CSMD2: variants seen among roughly 807,000 people sequenced by gnomAD.
CSMD2 encodes the protein CUB and Sushi multiple domains 2.
In CSMD2, 130 loss-of-function variants were observed where a neutral mutation model predicts 398.5. The ratio of observed to expected loss-of-function variants is 0.33; its 90% CI spans 0.28 to 0.38. The LOEUF is 0.38. Ranked by LOEUF, CSMD2 falls within the 10% of genes least tolerant of loss-of-function variation. The pLI, the probability that CSMD2 is intolerant of heterozygous loss-of-function variation, is 1.00. For synonymous variants in CSMD2, 1,828 were observed against 1,908.5 expected, an observed-to-expected ratio of 0.96 and a Z score of 1.10; for missense variants, 3,829 against 4,764.9, an observed-to-expected ratio of 0.80 and a Z score of 5.78.
intron 9 of CSMD2, chr1:33,813,968 A>G (rs926790988): frequency 1.3e-5 from 2 of 152,570 alleles, no homozygotes; most frequent in East Asian, 3.9e-4. Flanking sequence ...ACTGCCTCCT[A>G]TGCAGCCCTC....
chr1:33,935,385 C>T (rs1361803900), intron 4 of CSMD2, among the ~76,000 whole-genome samples: 9 of 152,140 alleles, frequency 5.9e-5, no homozygotes, highest in Admixed American at 3.3e-4. Context: ...ATAATTCCTA[C>T]AGTGAGGTCA....
At chr1:33,552,603 C>T (rs1324936728) in intron 55 of CSMD2, among the ~76,000 whole-genome samples, 1 of 151,994 alleles carries the variant, frequency 6.6e-6, no homozygotes, top group Non-Finnish European at 1.5e-5. Context: ...TAGTATTTGG[C>T]CAAAAGGAAT....
At chr1:33,759,354 TTC>T (rs1238887978) in intron 13 of CSMD2, among the ~76,000 whole-genome samples, 14 of 140,010 alleles carry the variant, frequency 1.0e-4, no homozygotes, top group Admixed American at 2.9e-4. Context: ...GAGACAGAGT[TTC>T]TCTCTGTCAC....
At chr1:33,819,292 AGTCT>A (rs1193745413) in intron 9 of CSMD2, among the ~76,000 whole-genome samples, 10 of 152,314 alleles carry the variant, frequency 6.6e-5, no homozygotes, top group African/African-American at 2.4e-4. Context: ...AGAAGTGACA[AGTCT>A]GTCTGTTGCA....
intron 1 of CSMD2, among the ~76,000 whole-genome samples, chr1:34,128,511 G>A (rs1662983579): frequency 6.6e-6 from 1 of 152,206 alleles, no homozygotes; most frequent in African/African-American, 2.4e-5. Flanking sequence ...TCCACCAAAA[G>A]AGAAGACCTG....
At chr1:34,119,111 C>G (rs1190893412) in intron 1 of CSMD2, among the ~76,000 whole-genome samples, 1 of 152,106 alleles carries the variant, frequency 6.6e-6, no homozygotes, top group Non-Finnish European at 1.5e-5. Flanking sequence ...ATAGAAACCT[C>G]AGAAATAAAT....
chr1:33,792,413 C>T lies in CSMD2; in HGVS notation c.1550+10G>A. The T allele has an allele frequency of 1.2e-6, 2 of 1,604,344 alleles. No homozygotes were observed. Among genetic ancestry groups the T allele is most frequent in the Non-Finnish European group, 1.7e-6 (2 of 1,171,138 alleles). ...CCCACCTTCCAAACAACATGCCCCA[C>T]TGCACTTACATGTAGAGAACTGTCT... On this transcript the variant is annotated intron_variant, in intron 11 of 70. Coordinates refer to ENST00000373381, the MANE Select transcript of CSMD2 (RefSeq NM_001281956.2).
At chr1:33,822,465 G>A (rs1658265818) in intron 7 of CSMD2, among the ~76,000 whole-genome samples, 1 of 152,178 alleles carries the variant, frequency 6.6e-6, no homozygotes, top group Non-Finnish European at 1.5e-5. Flanking sequence ...TGAGGATTTG[G>A]ACAGACTGTG....
intron 3 of CSMD2, among the ~76,000 whole-genome samples, chr1:33,985,148 G>A (rs1427296493): frequency 6.6e-6 from 1 of 152,178 alleles, no homozygotes; most frequent in African/African-American, 2.4e-5. Context: ...CCAGCAGGTC[G>A]ATGGAGGGGA....
rs1011657224 is a variant in CSMD2 at position 34,164,894 on chromosome 1, G to A, written c.187+17C>T. 8.2e-7 allele frequency: 1 copy of A among 1,218,722 alleles called. No individual in the cohort carries two copies. Among genetic ancestry groups the A allele is most frequent in the Non-Finnish European group, 1.0e-6 (1 of 979,680 alleles). The allele number at this position is 1,218,722 out of a possible 1,614,324, so 75.5% of individuals were successfully genotyped here. A position where few individuals can be genotyped will look rare whatever the true frequency, so the allele number is the denominator to read the frequency against. ...GGCGCGCGGCGGCCGCTGGCTCCTC[G>A]GCGCGGCTGGACTCACCCGCGGCGG... On this transcript the variant is annotated intron_variant, in intron 1 of 70. Coordinates refer to ENST00000373381, the MANE Select transcript of CSMD2 (RefSeq NM_001281956.2). The surrounding 1 kb of genome is among the most constrained non-coding windows in gnomAD (Gnocchi z 6.2).
intron 1 of CSMD2, among the ~76,000 whole-genome samples, chr1:34,153,842 T>C (rs978560856): frequency 2.6e-5 from 4 of 152,174 alleles, no homozygotes; most frequent in South Asian, 2.1e-4. Context: ...CTCTAGCTCA[T>C]CAGTGCCCTC....
chr1:34,051,882 G>A (rs761697336), intron 2 of CSMD2, among the ~76,000 whole-genome samples: 3 of 152,190 alleles, frequency 2.0e-5, no homozygotes, highest in Non-Finnish European at 4.4e-5. Context: ...GTGTGTCTGT[G>A]AGGGAGGTTC....
At chr1:33,771,540 C>A (rs939821869) in intron 13 of CSMD2, among the ~76,000 whole-genome samples, 1 of 151,196 alleles carries the variant, frequency 6.6e-6, no homozygotes, top group African/African-American at 2.5e-5. Flanking sequence ...CTTTGTTGGA[C>A]AACGTGATTT....
chr1:34,069,188 C>T (rs1352693366), intron 2 of CSMD2, among the ~76,000 whole-genome samples: 10 of 152,182 alleles, frequency 6.6e-5, no homozygotes, highest in African/African-American at 2.2e-4. Flanking sequence ...GTGTCATCTA[C>T]TTTTAGGGAG....
chr1:33,781,894 C>A (rs1418981216), intron 12 of CSMD2, among the ~76,000 whole-genome samples: 1 of 147,954 alleles, frequency 6.8e-6, no homozygotes, highest in Non-Finnish European at 1.5e-5. Context: ...TCCCCTCCCC[C>A]GCCCCCTGAC....
chr1:33,593,086 C>A (rs770616732), intron 44 of CSMD2, among the ~76,000 whole-genome samples: 1 of 152,158 alleles, frequency 6.6e-6, no homozygotes, highest in Non-Finnish European at 1.5e-5. Context: ...TCTGTACTAA[C>A]GTTATTAATA....
chr1:33,664,862 T>A (rs1644258430), intron 25 of CSMD2, among the ~76,000 whole-genome samples: 1 of 151,986 alleles, frequency 6.6e-6, no homozygotes, highest in African/African-American at 2.4e-5. Context: ...TTAAAATAAA[T>A]CTTGCTAAAT....
At chr1:33,731,249 G>A (rs960579569) in intron 15 of CSMD2, among the ~76,000 whole-genome samples, 5 of 152,028 alleles carry the variant, frequency 3.3e-5, no homozygotes, top group African/African-American at 1.2e-4. Flanking sequence ...ACTGTATCTC[G>A]GAGTAACCAA....
chr1:33,590,294 A>ATTTTTTTTT (rs56252015), intron 44 of CSMD2, among the ~76,000 whole-genome samples: 8 of 73,848 alleles, frequency 1.1e-4, no homozygotes, highest in Non-Finnish European at 1.5e-4. Flanking sequence ...GCTAATTAAA[A>ATTTTTTTTT]TTTTTTTTTT....
Sources: allele counts gnomAD v4.1 joint callset (sites outside exome capture counted in the v4.1 genomes callset), GRCh38; gene constraint gnomAD v4.1.1; non-coding constraint Gnocchi (gnomAD v3.1); transcripts MANE v1.5; gene names NCBI Gene and HGNC (gene_info 2026-07-23, HGNC 2026-07-21).